Variants in MYO5B observed in about 807,000 individuals in gnomAD.
MYO5B encodes unconventional myosin-Vb.
Under a neutral mutation model 229.3 loss-of-function variants are expected in MYO5B, and 143 were observed. The ratio of observed to expected loss-of-function variants is 0.62; its 90% CI spans 0.54 to 0.72. The LOEUF (loss-of-function observed/expected upper bound fraction) is 0.72. Among genes scored for constraint, MYO5B ranks in the 30% least tolerant of loss-of-function variants. MYO5B has a pLI of 0.00. For missense variants in MYO5B, 2,321 were observed against 2,331.0 expected, an observed-to-expected ratio of 1.00 and a Z score of 0.09; for synonymous variants, 918 against 885.2, an observed-to-expected ratio of 1.04 and a Z score of -0.66.
intron 15 of MYO5B, 92 bp from the exon 16 acceptor site, chr18:49,936,441 T>C: frequency 1.1e-6 from 1 of 901,828 alleles, no homozygotes; most frequent in Non-Finnish European, 1.8e-6. Context: ...GTAGTTATTG[T>C]TACTATTATA....
intron 2 of MYO5B, among the ~76,000 whole-genome samples, chr18:50,047,294 C>T (rs1371593395): frequency 6.6e-6 from 1 of 152,202 alleles, no homozygotes; most frequent in Admixed American, 6.5e-5. Flanking sequence ...TGAACAGACA[C>T]TTCTCAAGAG....
chr18:50,111,724 G>C (rs2031868602), intron 1 of MYO5B, among the ~76,000 whole-genome samples: 1 of 152,178 alleles, frequency 6.6e-6, no homozygotes, highest in Non-Finnish European at 1.5e-5. Context: ...CTGATAAAGG[G>C]ATCTCATTAA....
intron 4 of MYO5B, among the ~76,000 whole-genome samples, chr18:50,023,112 T>C (rs1024771102): frequency 4.2e-5 from 6 of 141,966 alleles, no homozygotes; most frequent in African/African-American, 7.9e-5. Flanking sequence ...AGATTTCCTA[T>C]GTGAGAAATC....
intron 17 of MYO5B, among the ~76,000 whole-genome samples, chr18:49,921,410 C>G (rs3018270): frequency 6.6e-6 from 1 of 151,922 alleles, no homozygotes; most frequent in African/African-American, 2.4e-5. Flanking sequence ...TGCACAGGCA[C>G]GAGACCTAGG....
rs1001945184 is a variant in MYO5B at position 50,077,171 on chromosome 18, A to T, written c.28-21793T>A. Reference sequence around the variant, plus strand: ...GGGTTAATTTATTGTGGCAAAGTAAAAAAAAAAAAAAAAAAAAAAAAAGAC... The same window carrying T: ...GGGTTAATTTATTGTGGCAAAGTAATAAAAAAAAAAAAAAAAAAAAAAGAC... On this transcript the variant is annotated intron_variant, in intron 1 of 39. Coordinates refer to ENST00000285039, the MANE Select transcript of MYO5B (RefSeq NM_001080467.3). Among the ~76,000 whole-genome samples the T allele has an allele frequency of 6.0e-3, 649 of 107,696 alleles. 5 individuals are homozygous for T. The highest frequency in any genetic ancestry group is 0.024 in the African/African-American group (571 of 23,956). The allele number at this position is 107,696 out of a possible 152,430, so 70.7% of individuals were successfully genotyped here. A position where few individuals can be genotyped will look rare whatever the true frequency, so the allele number is the denominator to read the frequency against.
chr18:50,166,668 C>G (rs987180361), intron 1 of MYO5B, among the ~76,000 whole-genome samples: 4 of 152,084 alleles, frequency 2.6e-5, no homozygotes, highest in African/African-American at 9.7e-5. Flanking sequence ...ACTCCCCACC[C>G]CCCGCCTACC....
intron 17 of MYO5B, among the ~76,000 whole-genome samples, chr18:49,916,686 C>G (rs139352006): frequency 6.6e-6 from 1 of 152,082 alleles, no homozygotes; most frequent in Non-Finnish European, 1.5e-5. Flanking sequence ...ACCATCGCTT[C>G]GTGGCCGTGA....
At position 49,876,524 on chromosome 18, in the gene MYO5B, G is replaced by A. The variant is rs569715862; in HGVS notation, c.3397-697C>T. On this transcript the variant is annotated intron_variant, in intron 25 of 39. Coordinates refer to ENST00000285039, the MANE Select transcript of MYO5B (RefSeq NM_001080467.3). ...GAGACAATATAATTTGGTTCCACCA[G>A]GATTTAATAAGCACTGGTTCCACCA... is the stretch of plus-strand genomic sequence containing the variant. Among the ~76,000 whole-genome samples, 54 of 152,320 alleles carry A rather than the reference G, an allele frequency of 3.5e-4. No individual in the cohort carries two copies. In the South Asian group the frequency reaches 0.011, roughly 30 times the overall value.
intron 7 of MYO5B, among the ~76,000 whole-genome samples, chr18:49,987,641 T>C (rs947624953): frequency 9.9e-5 from 15 of 152,174 alleles, no homozygotes; most frequent in Admixed American, 7.2e-4. Context: ...GCCATGGTCA[T>C]GGACTTGCAC....
chr18:50,091,041 T>C (rs1472083458), intron 1 of MYO5B, among the ~76,000 whole-genome samples: 1 of 152,080 alleles, frequency 6.6e-6, no homozygotes, highest in African/African-American at 2.4e-5. Flanking sequence ...GGTATGTGCC[T>C]GGGTGTCCAG....
chr18:50,082,367 A>G (rs898666020), intron 1 of MYO5B, among the ~76,000 whole-genome samples: 1 of 152,242 alleles, frequency 6.6e-6, no homozygotes. Context: ...GACCTGCAAA[A>G]AGATTGTTTC....
intron 18 of MYO5B, 25 bp downstream of exon 18, chr18:49,912,037 C>T: frequency 1.3e-6 from 2 of 1,593,458 alleles, no homozygotes; most frequent in Non-Finnish European, 1.7e-6. Flanking sequence ...TCAGGCCTCT[C>T]CTGGAGCTGG....
At chr18:50,077,192 A>AAAAAAAAAAAAAC (rs1568097402) in intron 1 of MYO5B, among the ~76,000 whole-genome samples, 1 of 147,206 alleles carries the variant, frequency 6.8e-6, no homozygotes, top group Non-Finnish European at 1.5e-5. Context: ...AAAAAAAAAA[A>AAAAAAAAAAAAAC]AGACAACTTA....
intron 26 of MYO5B, among the ~76,000 whole-genome samples, chr18:49,875,142 G>A (rs1424460382): frequency 6.6e-6 from 1 of 152,202 alleles, no homozygotes; most frequent in African/African-American, 2.4e-5. Flanking sequence ...AGTTCCTTGA[G>A]ATGGAATGAT....
intron 5 of MYO5B, among the ~76,000 whole-genome samples, chr18:49,994,526 A>T (rs535369446): frequency 6.7e-4 from 102 of 152,308 alleles, no homozygotes; most frequent in Non-Finnish European, 1.2e-3. Context: ...GTAGGGGGAG[A>T]AAGTACAACC....
intron 9 of MYO5B, among the ~76,000 whole-genome samples, chr18:49,976,290 T>C (rs1337420212): frequency 2.0e-5 from 3 of 152,178 alleles, no homozygotes; most frequent in Non-Finnish European, 4.4e-5. Context: ...CTTAACACCA[T>C]ATCCCCAGGC....
chr18:50,182,622 C>G (rs530225198), intron 1 of MYO5B, among the ~76,000 whole-genome samples: 192 of 152,328 alleles, frequency 1.3e-3, no homozygotes, highest in African/African-American at 4.3e-3. Context: ...CCTTTGAGCA[C>G]TGTCATAAAA....
At chr18:49,964,193 G>T (rs889197657) in intron 10 of MYO5B, among the ~76,000 whole-genome samples, 3 of 152,194 alleles carry the variant, frequency 2.0e-5, no homozygotes, top group Non-Finnish European at 4.4e-5. Context: ...TCCTGGAAAG[G>T]TGGAACTAAT....
At chr18:49,875,854 A>T (rs2144100051) in intron 25 of MYO5B, 27 bp from the exon 26 acceptor site, 1 of 1,613,654 alleles carries the variant, frequency 6.2e-7, no homozygotes, top group East Asian at 2.2e-5. Flanking sequence ...GCACAGAAAA[A>T]AGGTTTTCCT....
Sources: gnomAD v4.1 joint callset for allele counts (sites outside exome capture counted in the v4.1 genomes callset) on GRCh38, gnomAD v4.1.1 for gene constraint, MANE v1.5 for transcripts, NCBI Gene and HGNC (gene_info 2026-07-23, HGNC 2026-07-21) for gene names.